The following GPR155 variants were observed in gnomAD, a reference collection of about 807,000 sequenced individuals.
The protein encoded by GPR155 is lysosomal cholesterol signaling protein.
In GPR155, 65 loss-of-function variants were observed where a neutral mutation model predicts 93.1. The ratio of observed to expected loss-of-function variants is 0.70; its 90% CI spans 0.57 to 0.86. The LOEUF is 0.86. Among genes scored for constraint, GPR155 ranks in the 40% least tolerant of loss-of-function variants. The pLI is 0.00. For synonymous variants in GPR155, 319 were observed against 360.1 expected, an observed-to-expected ratio of 0.89 and a Z score of 1.29; for missense variants, 838 against 1,034.8, an observed-to-expected ratio of 0.81 and a Z score of 2.61.
At chr2:174,473,797 G>C (rs1377874634) in intron 2 of GPR155, among the ~76,000 whole-genome samples, 1 of 152,160 alleles carries the variant, frequency 6.6e-6, no homozygotes, top group Non-Finnish European at 1.5e-5. Flanking sequence ...GATCACAGAG[G>C]GTTGAGGAGA....
At chr2:174,484,904 C>A (rs1434953161) in intron 1 of GPR155, among the ~76,000 whole-genome samples, 3 of 152,206 alleles carry the variant, frequency 2.0e-5, no homozygotes, top group Middle Eastern at 3.4e-3. Context: ...CTGAGTAAGA[C>A]CCTGTCTCAA....
chr2:174,469,772 A>C (rs1028411399), intron 4 of GPR155, among the ~76,000 whole-genome samples: 16 of 152,266 alleles, frequency 1.1e-4, no homozygotes, highest in Admixed American at 2.6e-4. Context: ...GATTAAAAAA[A>C]GTCAGGGCTG....
chr2:174,442,719 TGA>T (rs1687002989), intron 13 of GPR155, among the ~76,000 whole-genome samples: 1 of 152,300 alleles, frequency 6.6e-6, no homozygotes, highest in East Asian at 1.9e-4. Context: ...AGACTCTTTT[TGA>T]GAGATAGGAA....
intron 11 of GPR155, among the ~76,000 whole-genome samples, chr2:174,452,448 A>G (rs1574707623): frequency 6.6e-6 from 1 of 152,350 alleles, no homozygotes; most frequent in East Asian, 1.9e-4. Flanking sequence ...ATATAAAAAC[A>G]TAATGCCTTT....
At chr2:174,453,270 C>G (rs1687380100) in intron 11 of GPR155, among the ~76,000 whole-genome samples, 1 of 152,144 alleles carries the variant, frequency 6.6e-6, no homozygotes, top group South Asian at 2.1e-4. Flanking sequence ...CAATTATTCC[C>G]TATTAGCACT....
At chr2:174,471,694 T>C (rs1251017256) in intron 3 of GPR155, among the ~76,000 whole-genome samples, 2 of 152,146 alleles carry the variant, frequency 1.3e-5, no homozygotes, top group Non-Finnish European at 2.9e-5. Context: ...CCCTCTGGGA[T>C]GGAGTAAAGA....
chr2:174,486,342 C>G (rs1016993217), intron 1 of GPR155, among the ~76,000 whole-genome samples: 1 of 152,126 alleles, frequency 6.6e-6, no homozygotes. Flanking sequence ...GCCAGCCAAC[C>G]CCTGGGAAGG....
rs1307137546 is a variant in GPR155 at position 174,433,893 on chromosome 2, T to C, written c.*2223A>G. ...TAAGAGAAAAGGCAACATTTAGTAA[T>C]TTTAAAAATTATATATTTTTATACA... On this transcript the variant is annotated 3_prime_UTR_variant, in exon 16 of 16. Transcript: ENST00000392552. 21 of 152,156 alleles carry C rather than the reference T, an allele frequency of 1.4e-4. No homozygotes were observed. The highest frequency in any genetic ancestry group is 1.4e-3 in the Admixed American group (21 of 15,270). The allele number at this position is 152,156 out of a possible 1,614,324, so 9.4% of individuals were successfully genotyped here. A position where few individuals can be genotyped will look rare whatever the true frequency, so the allele number is the denominator to read the frequency against.
chr2:174,440,140 A>C, intron 14 of GPR155, 105 bp from the exon 15 acceptor site: 1 of 848,118 alleles, frequency 1.2e-6, no homozygotes, highest in Non-Finnish European at 1.8e-6. Context: ...GCTGTCGATC[A>C]CCAAAGCTGT....
At chr2:174,444,931 G>A (rs1274044351) in intron 13 of GPR155, 150 bp downstream of exon 13, 3 of 599,984 alleles carry the variant, frequency 5.0e-6, no homozygotes, top group African/African-American at 1.9e-5. Flanking sequence ...GCTGTCAGCT[G>A]CCATGCATAC....
At chr2:174,479,717 A>G (rs748114144) in intron 2 of GPR155, among the ~76,000 whole-genome samples, 6 of 152,224 alleles carry the variant, frequency 3.9e-5, no homozygotes, top group Non-Finnish European at 8.8e-5. Context: ...TGTGGTGCCG[A>G]GTCAGTTCTA....
At chr2:174,484,631 T>C (rs1688421054) in intron 1 of GPR155, among the ~76,000 whole-genome samples, 3 of 152,112 alleles carry the variant, frequency 2.0e-5, no homozygotes, top group Admixed American at 2.0e-4. Flanking sequence ...AAAATGAGAG[T>C]AAAAACCTCC....
chr2:174,435,298 T>C lies in GPR155; in HGVS notation c.*818A>G, dbSNP rs1686743089. On this transcript the variant is annotated 3_prime_UTR_variant, in exon 16 of 16. Coordinates refer to ENST00000392552, the MANE Select transcript of GPR155 (RefSeq NM_152529.7). ...ACAATGGTTGCATCTGTAGTGAACA[T>C]GTACAGACTGTTTTTCTTATTGTTA... 6.6e-6 allele frequency: 1 copy of C among 152,160 alleles called. No homozygotes were observed. Among genetic ancestry groups the C allele is most frequent in the Non-Finnish European group, 1.5e-5 (1 of 68,024 alleles). The allele number at this position is 152,160 out of a possible 1,614,324, so 9.4% of individuals were successfully genotyped here. A position where few individuals can be genotyped will look rare whatever the true frequency, so the allele number is the denominator to read the frequency against.
Position 174,456,643 on chromosome 2 carries a change from A to G in GPR155, c.1772-2802T>C, listed in dbSNP as rs971524984. Among the ~76,000 whole-genome samples the G allele has an allele frequency of 2.6e-5, 4 of 152,286 alleles. No homozygotes were observed. The East Asian group carries it at 7.7e-4, about 29-fold the overall frequency. On this transcript the variant is annotated intron_variant, in intron 10 of 15. Coordinates refer to ENST00000392552, the MANE Select transcript of GPR155 (RefSeq NM_152529.7). Reference sequence around the variant, plus strand: ...TCTTGATGTATCTTGATGTATACTCAAGGAGATGTGAATAAAGCTGTACAT... The same window carrying G: ...TCTTGATGTATCTTGATGTATACTCGAGGAGATGTGAATAAAGCTGTACAT...
At chr2:174,448,474 CAA>C (rs759589533) in intron 11 of GPR155, among the ~76,000 whole-genome samples, 3 of 150,214 alleles carry the variant, frequency 2.0e-5, no homozygotes, top group Non-Finnish European at 3.0e-5. Flanking sequence ...ACTCAGTCCT[CAA>C]AAGCAATTGT....
rs1486609866 is a variant in GPR155, at chr2:174,481,719, A to C, written c.238T>G (p.Phe80Val). Residue 80 changes from phenylalanine to valine, a missense_variant, in exon 2 of 16, where the codon TTT (phenylalanine) becomes GTT (valine). Transcript: ENST00000392552. Reference sequence around the variant, plus strand: ...TTGAATAATAAAGCTGGAAGTGCAAATCTGGAGACAAAATTTCCTAGTCCT... The same window carrying C: ...TTGAATAATAAAGCTGGAAGTGCAACTCTGGAGACAAAATTTCCTAGTCCT... ...AKGLGNFVSRFALPALLFKNM... is the reference protein window; with the variant it reads ...AKGLGNFVSRVALPALLFKNM... The C allele has an allele frequency of 6.2e-7, 1 of 1,614,080 alleles. No individual in the cohort carries two copies. Among genetic ancestry groups the C allele is most frequent in the Non-Finnish European group, 8.5e-7 (1 of 1,180,022 alleles).
Position 174,473,269 on chromosome 2 carries a change from T to A in GPR155, c.556A>T (p.Ile186Phe). 1 of 1,612,628 alleles carries A rather than the reference T, an allele frequency of 6.2e-7. No individual in the cohort carries two copies. Among genetic ancestry groups the A allele is most frequent in the South Asian group, 1.1e-5 (1 of 90,992 alleles). Reference sequence around the variant, plus strand: ...TTCCACTTTTGGATTTCACAGAAAATAAACCCTATAGGGTTTAACATCATA... The same window carrying A: ...TTCCACTTTTGGATTTCACAGAAAAAAAACCCTATAGGGTTTAACATCATA... Reference protein sequence around the residue: ...SLMMLNPIGFIFCEIQKWKDT... With the variant: ...SLMMLNPIGFFFCEIQKWKDT... Residue 186 changes from isoleucine to phenylalanine, a missense_variant, in exon 3 of 16, where the codon ATT (isoleucine) becomes TTT (phenylalanine). By Grantham distance (21) the Ile-to-Phe change is conservative. Transcript: ENST00000392552.
At chr2:174,441,255 A>G (rs1686949603) in intron 14 of GPR155, among the ~76,000 whole-genome samples, 1 of 152,160 alleles carries the variant, frequency 6.6e-6, no homozygotes. Flanking sequence ...TGTTGAAATT[A>G]AGCATTTTAT....
rs1223840708 is a variant in GPR155 at position 174,470,485 on chromosome 2, T to C, written c.931A>G (p.Thr311Ala). ...AGAAATGCATAATTTGATAAACTTGTATGGTTCACCACACTGTCGCCCTTG... is the reference window on the plus strand; with the variant it reads ...AGAAATGCATAATTTGATAAACTTGCATGGTTCACCACACTGTCGCCCTTG... ...LDKGDSVVNH[T>A]SLSNYAFLYG... The change falls in exon 4 of 16, where the codon ACA becomes GCA. Residue 311 changes from threonine (T) to alanine (A), a missense_variant. Coordinates refer to ENST00000392552, the MANE Select transcript of GPR155 (RefSeq NM_152529.7). 1 of 1,613,862 alleles carries C rather than the reference T, an allele frequency of 6.2e-7. No homozygotes were observed. The highest frequency in any genetic ancestry group is 1.1e-5 in the South Asian group (1 of 91,082).
Sources: allele counts gnomAD v4.1 joint callset (sites outside exome capture counted in the v4.1 genomes callset), GRCh38; gene constraint gnomAD v4.1.1; transcripts MANE v1.5; gene names NCBI Gene and HGNC (gene_info 2026-07-23, HGNC 2026-07-21).